The following ABCA13 variants were observed in gnomAD, a reference collection of about 807,000 sequenced individuals.
ABCA13 encodes ATP binding cassette subfamily A member 13.
ABCA13 carries 476 observed loss-of-function variants against 478.7 expected under a neutral mutation model. The observed-to-expected ratio is 0.99, with a 90% CI of 0.92 to 1.07. The LOEUF (loss-of-function observed/expected upper bound fraction) is 1.07, where lower values mean the gene tolerates loss of function less well. Among genes scored for constraint, ABCA13 ranks in the 50% least tolerant of loss-of-function variants. The probability of loss-of-function intolerance (pLI) is 0.00; values close to 1 mark genes in which losing one functional copy is unlikely to be tolerated. For synonymous variants in ABCA13, 2,252 were observed against 2,158.9 expected (o/e 1.04, Z -1.20); for missense variants, 6,060 against 5,910.6 (o/e 1.03, Z -0.83).
chr7:48,460,624 G>A (rs1011258378), intron 43 of ABCA13, among the ~76,000 whole-genome samples: 3 of 152,186 alleles, frequency 2.0e-5, no homozygotes, highest in African/African-American at 4.8e-5. Context: ...GGTTCTGAGT[G>A]GGCATGAAAT....
intron 55 of ABCA13, among the ~76,000 whole-genome samples, chr7:48,545,902 T>A (rs2131159208): frequency 6.6e-6 from 1 of 151,974 alleles, no homozygotes; most frequent in Admixed American, 6.6e-5. Context: ...TAAGTCTAAT[T>A]AGATTTCTGA....
Position 48,520,154 on chromosome 7 carries a change from C to T in ABCA13, c.13911C>T (p.Thr4637=), listed in dbSNP as rs761873598. 18 of 1,613,702 alleles carry T rather than the reference C, an allele frequency of 1.1e-5. No individual in the cohort carries two copies. The highest frequency in any genetic ancestry group is 1.5e-5 in the Non-Finnish European group (18 of 1,179,792). The change falls in exon 53 of 62, where the codon ACC becomes ACT. Residue 4637 remains threonine (T), a synonymous_variant. Coordinates refer to ENST00000435803, the MANE Select transcript of ABCA13 (RefSeq NM_152701.5). The stretch of plus-strand genomic sequence containing the variant: ...ATAATCAGATCAAATATGACCTGAC[C>T]CACAACTTCGGCATTGATTCCTATG... ...LCYNQIKYDL[T]HNFGIDSYVS...
At chr7:48,493,406 A>G (rs1323840170) in intron 48 of ABCA13, among the ~76,000 whole-genome samples, 1 of 152,238 alleles carries the variant, frequency 6.6e-6, no homozygotes. Context: ...ATATAAAATA[A>G]TGAACCTAAG....
intron 58 of ABCA13, among the ~76,000 whole-genome samples, chr7:48,605,382 A>G (rs896154373): frequency 3.9e-5 from 6 of 152,132 alleles, no homozygotes; most frequent in African/African-American, 1.4e-4. Flanking sequence ...GTTCCTTTAC[A>G]TGTTCAGTGC....
At position 48,468,456 on chromosome 7, in the gene ABCA13, A is replaced by G. The variant is rs576235247; in HGVS notation, c.12905+1411A>G. Among the ~76,000 whole-genome samples, 144 of 152,192 alleles carry G rather than the reference A, an allele frequency of 9.5e-4. 1 individual carries two copies. Among genetic ancestry groups the G allele is most frequent in the Non-Finnish European group, 3.8e-4 (26 of 68,016 alleles). Reference sequence around the variant, plus strand: ...TATCCTTAACTCATTTCTATATTTAATCATTTCTATCTATTTTTGTGGTCA... The same window carrying G: ...TATCCTTAACTCATTTCTATATTTAGTCATTTCTATCTATTTTTGTGGTCA... On this transcript the variant is annotated intron_variant, in intron 44 of 61. Transcript: ENST00000435803.
At chr7:48,173,017 C>T (rs1452626544) in intron 1 of ABCA13, among the ~76,000 whole-genome samples, 1 of 152,040 alleles carries the variant, frequency 6.6e-6, no homozygotes, top group African/African-American at 2.4e-5. Context: ...CCAGGCACTG[C>T]TCTTTCTGCT....
intron 40 of ABCA13, among the ~76,000 whole-genome samples, chr7:48,411,775 A>G (rs1819284088): frequency 6.6e-6 from 1 of 151,874 alleles, no homozygotes; most frequent in Non-Finnish European, 1.5e-5. Context: ...GGAAGTGGTG[A>G]CTCTGGGGCT....
chr7:48,358,655 A>C (rs963647899), intron 31 of ABCA13, among the ~76,000 whole-genome samples: 1 of 152,044 alleles, frequency 6.6e-6, no homozygotes, highest in East Asian at 1.9e-4. Context: ...AGAGATCAGC[A>C]CTATGCAGTT....
intron 2 of ABCA13, 56 bp downstream of exon 2, chr7:48,193,108 A>G: frequency 4.0e-6 from 5 of 1,252,458 alleles, no homozygotes; most frequent in East Asian, 2.5e-5. Flanking sequence ...AAAAAAACTC[A>G]TAGCACTCTT....
intron 37 of ABCA13, among the ~76,000 whole-genome samples, chr7:48,389,842 CTT>C (rs1390362065): frequency 6.6e-6 from 1 of 152,196 alleles, no homozygotes; most frequent in Non-Finnish European, 1.5e-5. Context: ...TGAAATATCT[CTT>C]TTGAACAAAT....
intron 15 of ABCA13, among the ~76,000 whole-genome samples, chr7:48,251,317 G>T (rs545339060): frequency 1.2e-4 from 19 of 152,346 alleles, no homozygotes; most frequent in African/African-American, 3.8e-4. Flanking sequence ...TTGTGGTTCA[G>T]AAGTCTCAAT....
chr7:48,300,615 A>G (rs183694271), intron 23 of ABCA13, among the ~76,000 whole-genome samples: 1 of 152,336 alleles, frequency 6.6e-6, no homozygotes, highest in East Asian at 1.9e-4. Flanking sequence ...TCAAAAGACC[A>G]GAGACAGGAG....
chr7:48,220,488 G>T (rs1399547213), intron 4 of ABCA13, among the ~76,000 whole-genome samples: 1 of 152,018 alleles, frequency 6.6e-6, no homozygotes, highest in African/African-American at 2.4e-5. Context: ...TTTCTTCATG[G>T]AGTGTATACA....
At chr7:48,394,560 C>T (rs1337842439) in intron 38 of ABCA13, among the ~76,000 whole-genome samples, 1 of 152,228 alleles carries the variant, frequency 6.6e-6, no homozygotes, top group Non-Finnish European at 1.5e-5. Context: ...ATGACAGCCT[C>T]TGTGTATTAG....
intron 28 of ABCA13, among the ~76,000 whole-genome samples, chr7:48,336,230 G>A (rs896816168): frequency 1.3e-5 from 2 of 152,130 alleles, no homozygotes; most frequent in African/African-American, 2.4e-5. Context: ...ATGAGGAAGC[G>A]ATAGTAGTTA....
At chr7:48,329,424 T>G (rs1405605981) in intron 27 of ABCA13, among the ~76,000 whole-genome samples, 1 of 152,120 alleles carries the variant, frequency 6.6e-6, no homozygotes, top group African/African-American at 2.4e-5. Context: ...TATAATTGAG[T>G]GTTAGCATCC....
At chr7:48,241,345 G>A (rs1242713911) in intron 10 of ABCA13, among the ~76,000 whole-genome samples, 8 of 152,120 alleles carry the variant, frequency 5.3e-5, no homozygotes, top group Admixed American at 5.2e-4. Context: ...TATGTCTTTG[G>A]CATTTGTTTA....
At chr7:48,311,441 C>T (rs1184416062) in intron 24 of ABCA13, among the ~76,000 whole-genome samples, 1 of 152,196 alleles carries the variant, frequency 6.6e-6, no homozygotes, top group African/African-American at 2.4e-5. Flanking sequence ...CATTTGCTCA[C>T]CACAGCCTCT....
At chr7:48,377,876 G>A (rs1813747586) in intron 35 of ABCA13, among the ~76,000 whole-genome samples, 1 of 152,118 alleles carries the variant, frequency 6.6e-6, no homozygotes, top group Non-Finnish European at 1.5e-5. Context: ...ATACATTTGT[G>A]ATGTCCATCT....
Sources: allele counts gnomAD v4.1 joint callset (sites outside exome capture counted in the v4.1 genomes callset), GRCh38; gene constraint gnomAD v4.1.1; transcripts MANE v1.5; gene names NCBI Gene and HGNC (gene_info 2026-07-23, HGNC 2026-07-21).